The following LRP1B variants were observed in gnomAD, a reference collection of about 807,000 sequenced individuals.
The protein encoded by LRP1B is low-density lipoprotein receptor-related protein 1B.
Under a neutral mutation model 556.6 loss-of-function variants are expected in LRP1B, and 217 were observed. That is an observed-to-expected ratio of 0.39 (90% CI 0.35 to 0.44). The LOEUF (loss-of-function observed/expected upper bound fraction) is 0.44, where lower values mean the gene tolerates loss of function less well. LRP1B is among the 20% of genes least tolerant of loss of function. The probability of loss-of-function intolerance (pLI) is 1.00; values close to 1 mark genes in which losing one functional copy is unlikely to be tolerated. For missense variants in LRP1B, 5,053 were observed against 5,620.8 expected, an observed-to-expected ratio of 0.90 and a Z score of 3.23; for synonymous variants, 2,047 against 1,865.8, an observed-to-expected ratio of 1.10 and a Z score of -2.50.
chr2:140,645,253 G>A (rs1684438044), intron 41 of LRP1B, among the ~76,000 whole-genome samples: 1 of 152,026 alleles, frequency 6.6e-6, no homozygotes, highest in Non-Finnish European at 1.5e-5. Flanking sequence ...TTAACAATAT[G>A]TAATTCTTAC....
intron 1 of LRP1B, among the ~76,000 whole-genome samples, chr2:141,854,020 G>A (rs2105779226): frequency 6.6e-6 from 1 of 151,912 alleles, no homozygotes; most frequent in East Asian, 1.9e-4. Flanking sequence ...TTATTTATGG[G>A]ATAATACAAG....
At chr2:141,337,728 A>C (rs1687899821) in intron 3 of LRP1B, among the ~76,000 whole-genome samples, 1 of 152,174 alleles carries the variant, frequency 6.6e-6, no homozygotes, top group African/African-American at 2.4e-5. Context: ...ATTGTTTTAA[A>C]ATTTCCATTT....
chr2:141,978,454 G>C (rs1701945513), intron 1 of LRP1B, among the ~76,000 whole-genome samples: 1 of 151,912 alleles, frequency 6.6e-6, no homozygotes, highest in Admixed American at 6.6e-5. Context: ...ATAACTTATA[G>C]AGTTTAACAA....
chr2:140,235,370 AT>A (rs1680650009), intron 89 of LRP1B, among the ~76,000 whole-genome samples: 1 of 28,160 alleles, frequency 3.6e-5, no homozygotes, highest in Non-Finnish European at 1.1e-4. Context: ...TTTTCTTCAC[AT>A]GTAATGTAAT....
At chr2:140,267,554 G>C (rs2104938906) in intron 86 of LRP1B, among the ~76,000 whole-genome samples, 1 of 152,056 alleles carries the variant, frequency 6.6e-6, no homozygotes, top group South Asian at 2.1e-4. Context: ...CTTGGGAAAA[G>C]TCTGTACAGA....
Position 140,567,606 on chromosome 2 carries a change from C to T in LRP1B, c.7195-25635G>A, listed in dbSNP as rs116681128. Among the ~76,000 whole-genome samples, 555 of 152,248 alleles carry T rather than the reference C, an allele frequency of 3.6e-3. 3 individuals carry two copies. Among genetic ancestry groups the T allele is most frequent in the African/African-American group, 0.013 (524 of 41,548 alleles). ...AATTCTGGAACAAAGAGTGAAGTTG[C>T]ACCTCATGACCCAGGTGCCAAAGTA... On this transcript the variant is annotated intron_variant, in intron 43 of 90. Transcript: ENST00000389484.
At chr2:141,010,705 G>A (rs565830528) in intron 14 of LRP1B, among the ~76,000 whole-genome samples, 3 of 151,898 alleles carry the variant, frequency 2.0e-5, no homozygotes, top group Admixed American at 2.0e-4. Flanking sequence ...AGTAGTGACA[G>A]GGGTTTCACC....
chr2:140,608,717 C>T (rs1431152067), intron 41 of LRP1B, among the ~76,000 whole-genome samples: 1 of 152,060 alleles, frequency 6.6e-6, no homozygotes, highest in Non-Finnish European at 1.5e-5. Flanking sequence ...CAAAACAGGC[C>T]TATTTATTTG....
chr2:140,594,129 C>T (rs551121371), intron 43 of LRP1B, among the ~76,000 whole-genome samples: 7 of 152,138 alleles, frequency 4.6e-5, no homozygotes, highest in Admixed American at 2.0e-4. Flanking sequence ...CCACCATGCC[C>T]GGCTAATTTT....
chr2:140,832,327 C>A (rs778067142), intron 31 of LRP1B, among the ~76,000 whole-genome samples: 1 of 152,064 alleles, frequency 6.6e-6, no homozygotes, highest in Non-Finnish European at 1.5e-5. Flanking sequence ...AGGGACTGTA[C>A]AGCCACTATG....
chr2:141,450,418 G>A (rs1360117679), intron 3 of LRP1B, among the ~76,000 whole-genome samples: 1 of 152,006 alleles, frequency 6.6e-6, no homozygotes, highest in Non-Finnish European at 1.5e-5. Context: ...ATAATAGTTT[G>A]GTATATGGAG....
At chr2:140,586,886 T>G (rs757021600) in intron 43 of LRP1B, among the ~76,000 whole-genome samples, 15 of 151,822 alleles carry the variant, frequency 9.9e-5, no homozygotes, top group Admixed American at 2.0e-4. Flanking sequence ...AACTAATAGA[T>G]GCCAACACCA....
At chr2:141,507,368 T>C (rs7593866) in intron 2 of LRP1B, among the ~76,000 whole-genome samples, 148,521 of 152,278 alleles carry the variant, frequency 0.98, 72,540 homozygotes, top group East Asian at 1. Context: ...ATGATTAAAA[T>C]GAATTCAGTG....
At chr2:141,137,028 C>T (rs1228596236) in intron 7 of LRP1B, among the ~76,000 whole-genome samples, 2 of 125,776 alleles carry the variant, frequency 1.6e-5, no homozygotes, top group African/African-American at 3.9e-5. Flanking sequence ...TGCAGTCTTT[C>T]ATTATTCGAA....
chr2:142,088,992 AAAAAG>A (rs1706059095), intron 1 of LRP1B, among the ~76,000 whole-genome samples: 2 of 35,670 alleles, frequency 5.6e-5, no homozygotes, highest in Non-Finnish European at 1.3e-4. Flanking sequence ...AAAAAAAAAA[AAAAAG>A]AAAAAGAAAA....
intron 20 of LRP1B, among the ~76,000 whole-genome samples, chr2:140,932,820 G>A (rs1695088136): frequency 3.4e-5 from 5 of 148,754 alleles, no homozygotes; most frequent in Admixed American, 2.7e-4. Flanking sequence ...AGGTTTCAGT[G>A]AGCTGTGATT....
intron 67 of LRP1B, among the ~76,000 whole-genome samples, chr2:140,384,114 C>A (rs931540038): frequency 6.6e-6 from 1 of 152,170 alleles, no homozygotes; most frequent in Non-Finnish European, 1.5e-5. Flanking sequence ...TAACTTCTCA[C>A]ATAGATTCAA....
chr2:140,254,522 TTTG>T (rs1471923056), intron 86 of LRP1B, among the ~76,000 whole-genome samples: 3 of 152,064 alleles, frequency 2.0e-5, no homozygotes, highest in Non-Finnish European at 4.4e-5. Flanking sequence ...GATTTCTTTT[TTTG>T]TTTTTTGTTT....
chr2:140,796,493 C>A (rs200504232), intron 32 of LRP1B, among the ~76,000 whole-genome samples: 2 of 152,006 alleles, frequency 1.3e-5, no homozygotes, highest in East Asian at 3.9e-4. Context: ...TTTTGATAGG[C>A]AATTACTTTT....
Sources: allele counts gnomAD v4.1 joint callset (sites outside exome capture counted in the v4.1 genomes callset), GRCh38; gene constraint gnomAD v4.1.1; transcripts MANE v1.5; gene names NCBI Gene and HGNC (gene_info 2026-07-23, HGNC 2026-07-21).